SAMD5: variants seen among roughly 807,000 people sequenced by gnomAD.
The protein encoded by SAMD5 is sterile alpha motif domain containing 5.
SAMD5 carries 13 observed loss-of-function variants against 11.3 expected under a neutral mutation model. The ratio of observed to expected loss-of-function variants is 1.15; its 90% CI spans 0.75 to 1.83. SAMD5 has a LOEUF of 1.83. Ranked by LOEUF, SAMD5 falls within the 40% of genes most tolerant of loss-of-function variation. The probability of loss-of-function intolerance (pLI) is 0.00; values close to 1 mark genes in which losing one functional copy is unlikely to be tolerated. For synonymous variants in SAMD5, 129 were observed against 111.3 expected (o/e 1.16, Z -1.00); for missense variants, 255 against 239.1 (o/e 1.07, Z -0.44).
intron 1 of SAMD5, among the ~76,000 whole-genome samples, chr6:147,687,276 C>CTTTTTTTTTT (rs59851113): frequency 2.9e-5 from 3 of 105,032 alleles, no homozygotes; most frequent in Non-Finnish European, 3.6e-5. Context: ...TCTCCTCCTT[C>CTTTTTTTTTT]TTTTTTTTTT....
At position 147,509,034 on chromosome 6, in the gene SAMD5, A is replaced by G. The variant is rs1788037329; in HGVS notation, c.106A>G (p.Ile36Val). ...GYDDLEVCKQ[I>V]GDPDLDAIGV... is the part of the protein sequence containing the mutation. Reference sequence around the variant, plus strand: ...CGATGACCTGGAGGTGTGCAAGCAGATCGGGGACCCGGACCTGGATGCCAT... The same window carrying G: ...CGATGACCTGGAGGTGTGCAAGCAGGTCGGGGACCCGGACCTGGATGCCAT... The change falls in exon 1 of 2, where the codon ATC (isoleucine) becomes GTC (valine). Residue 36 changes from isoleucine to valine, a missense_variant. Ile to Val is a conservative substitution (Grantham distance 29). Transcript: ENST00000367474. The G allele has an allele frequency of 2.5e-6, 4 of 1,606,990 alleles. No homozygotes were observed. The highest frequency in any genetic ancestry group is 2.5e-6 in the Non-Finnish European group (3 of 1,177,484).
At chr6:147,629,120 G>A (rs528999612) in intron 1 of SAMD5, among the ~76,000 whole-genome samples, 25 of 151,926 alleles carry the variant, frequency 1.6e-4, no homozygotes, top group African/African-American at 4.6e-4. Context: ...ATGAAACCCC[G>A]TCTCTACTAA....
chr6:147,933,536 A>G, the SAMD5 span, among the ~76,000 whole-genome samples: 1 of 152,250 alleles, frequency 6.6e-6, no homozygotes, highest in Admixed American at 6.5e-5. Context: ...TTGCTGTATA[A>G]CCTCAGGCAA....
At chr6:147,830,761 G>A in the SAMD5 span, among the ~76,000 whole-genome samples, 2 of 152,202 alleles carry the variant, frequency 1.3e-5, no homozygotes, top group South Asian at 4.1e-4. Context: ...TGAATGAGCT[G>A]CATTTATTTT....
intron 1 of SAMD5, among the ~76,000 whole-genome samples, chr6:147,558,841 C>T (rs1488879771): frequency 6.6e-6 from 1 of 152,134 alleles, no homozygotes; most frequent in Non-Finnish European, 1.5e-5. Flanking sequence ...AATTATGGTT[C>T]ATAATTATCC....
At chr6:147,930,108 G>A in the SAMD5 span, among the ~76,000 whole-genome samples, 29 of 152,168 alleles carry the variant, frequency 1.9e-4, 1 homozygote, top group South Asian at 5.6e-3. Context: ...AGCCATCCAC[G>A]AAACTCTAGT....
intron 1 of SAMD5, among the ~76,000 whole-genome samples, chr6:147,721,788 G>A (rs926333683): frequency 6.6e-6 from 1 of 152,108 alleles, no homozygotes; most frequent in Non-Finnish European, 1.5e-5. Flanking sequence ...AGCCAATTGT[G>A]TTGAAAGTTT....
chr6:147,765,120 G>A, the SAMD5 span, among the ~76,000 whole-genome samples: 5,752 of 152,280 alleles, frequency 0.038, 168 homozygotes, highest in Non-Finnish European at 0.059. Flanking sequence ...AAAGAAAGGT[G>A]TATTTAAGAA....
intron 1 of SAMD5, among the ~76,000 whole-genome samples, chr6:147,719,550 A>T (rs573774440): frequency 6.6e-6 from 1 of 152,272 alleles, no homozygotes; most frequent in South Asian, 2.1e-4. Flanking sequence ...TATCATGACT[A>T]TCACTGAACT....
intron 1 of SAMD5, among the ~76,000 whole-genome samples, chr6:147,594,964 C>G (rs143972909): frequency 3.2e-4 from 48 of 152,360 alleles, no homozygotes; most frequent in African/African-American, 1.1e-3. Flanking sequence ...TTTTATTCAA[C>G]TAGTACATCC....
At chr6:147,760,099 C>G in the SAMD5 span, among the ~76,000 whole-genome samples, 7 of 152,046 alleles carry the variant, frequency 4.6e-5, no homozygotes, top group African/African-American at 1.7e-4. Flanking sequence ...TAAAAAGGAT[C>G]TAGTGTGGAA....
At position 147,593,338 on chromosome 6, in the gene SAMD5, A is replaced by G. The variant is rs576281917; in HGVS notation, c.162+83951A>G. Among the ~76,000 whole-genome samples, 10 of 152,252 alleles carry G rather than the reference A, an allele frequency of 6.6e-5. No homozygotes were observed. The South Asian group carries it at 2.1e-3, about 32-fold the overall frequency. On this transcript the variant is annotated intron_variant, in intron 1 of 1. Transcript: ENST00000566741. ...GTAAATATCCAAGTAAATGTATGAT[A>G]AATGTATCATCAATACACTGAAGCA...
chr6:147,742,876 A>G, the SAMD5 span, among the ~76,000 whole-genome samples: 1 of 152,202 alleles, frequency 6.6e-6, no homozygotes, highest in African/African-American at 2.4e-5. Context: ...ATAATAAATG[A>G]TTAATTTTAC....
rs529885942 is a variant in SAMD5, at chr6:147,564,543, A to G, written c.*87A>G. 2.7e-5 allele frequency: 28 copies of G among 1,054,016 alleles called. No homozygotes were observed. Among genetic ancestry groups the G allele is most frequent in the Middle Eastern group, 2.1e-4 (1 of 4,872 alleles). The allele number at this position is 1,054,016 out of a possible 1,614,324, so 65.3% of individuals were successfully genotyped here. ...TTTAGAACCTTCTTTCAAAAAGGGA[A>G]ATGGATGATGACCCTGGAAATACTC... On this transcript the variant is annotated 3_prime_UTR_variant, in exon 2 of 2. Transcript: ENST00000367474.
chr6:147,700,529 T>C (rs1791238458), intron 1 of SAMD5, among the ~76,000 whole-genome samples: 1 of 152,222 alleles, frequency 6.6e-6, no homozygotes, highest in Admixed American at 6.5e-5. Flanking sequence ...TTGGGTAGGT[T>C]GCCCCCAAGT....
At chr6:147,707,290 G>C (rs1281703026) in intron 1 of SAMD5, among the ~76,000 whole-genome samples, 1 of 152,160 alleles carries the variant, frequency 6.6e-6, no homozygotes, top group African/African-American at 2.4e-5. Flanking sequence ...ATGCTAGACT[G>C]ATTTTTTATG....
chr6:147,559,977 A>G (rs1429350154), intron 1 of SAMD5, among the ~76,000 whole-genome samples: 1 of 152,226 alleles, frequency 6.6e-6, no homozygotes, highest in African/African-American at 2.4e-5. Context: ...GGCTCAGTGA[A>G]CATATGTTAT....
intron 1 of SAMD5, among the ~76,000 whole-genome samples, chr6:147,515,257 G>A (rs986727945): frequency 3.4e-5 from 5 of 146,676 alleles, no homozygotes; most frequent in Non-Finnish European, 5.9e-5. Flanking sequence ...GGGCAGGAAG[G>A]AGACAAGAGC....
intron 1 of SAMD5, among the ~76,000 whole-genome samples, chr6:147,524,252 G>C (rs634979): frequency 0.41 from 62,496 of 151,696 alleles, 13,623 homozygotes; most frequent in African/African-American, 0.57. Flanking sequence ...CCCACTTTAT[G>C]TGTTCTCTGT....
Sources: allele counts gnomAD v4.1 joint callset (sites outside exome capture counted in the v4.1 genomes callset), GRCh38; gene constraint gnomAD v4.1.1; transcripts MANE v1.5; gene names NCBI Gene and HGNC (gene_info 2026-07-23, HGNC 2026-07-21).